Variants in GIGYF2 observed in about 807,000 individuals in gnomAD.
GIGYF2 encodes the protein GRB10-interacting GYF protein 2.
Under a neutral mutation model 208.1 loss-of-function variants are expected in GIGYF2, and 25 were observed. The observed-to-expected ratio is 0.12, with a 90% CI of 0.09 to 0.17. GIGYF2 has a LOEUF of 0.17. Among genes scored for constraint, GIGYF2 ranks in the 10% least tolerant of loss-of-function variants. The pLI is 1.00. For synonymous variants in GIGYF2, 534 were observed against 543.8 expected, an observed-to-expected ratio of 0.98 and a Z score of 0.25; for missense variants, 1,302 against 1,579.4, an observed-to-expected ratio of 0.82 and a Z score of 2.98.
chr2:232,834,996 C>T (rs1251982168), intron 22 of GIGYF2, among the ~76,000 whole-genome samples: 4 of 152,184 alleles, frequency 2.6e-5, no homozygotes, highest in African/African-American at 9.7e-5. Context: ...TTACTCACCT[C>T]GTATTCTCCC....
intron 28 of GIGYF2, among the ~76,000 whole-genome samples, chr2:232,855,720 C>T (rs1281889369): frequency 6.6e-6 from 1 of 152,040 alleles, no homozygotes; most frequent in Non-Finnish European, 1.5e-5. Flanking sequence ...GTATTAATCC[C>T]ACTCAGATTT....
At chr2:232,790,294 T>C (rs528983079) in intron 9 of GIGYF2, among the ~76,000 whole-genome samples, 6 of 152,242 alleles carry the variant, frequency 3.9e-5, no homozygotes, top group African/African-American at 1.4e-4. Context: ...TGCTTTAAGA[T>C]TGGGCAAAAG....
intron 14 of GIGYF2, among the ~76,000 whole-genome samples, chr2:232,798,409 C>T (rs1208307921): frequency 6.6e-6 from 1 of 152,192 alleles, no homozygotes; most frequent in Non-Finnish European, 1.5e-5. Context: ...AGTGTTCATT[C>T]CTCTGGGCTA....
intron 12 of GIGYF2, among the ~76,000 whole-genome samples, chr2:232,792,111 G>A (rs1468240075): frequency 1.3e-5 from 2 of 152,078 alleles, no homozygotes; most frequent in Non-Finnish European, 2.9e-5. Context: ...GCTTCCCTTT[G>A]TGCAGTTTCA....
At chr2:232,730,897 CAAAAAAA>C (rs34491260) in intron 2 of GIGYF2, among the ~76,000 whole-genome samples, 114 of 51,572 alleles carry the variant, frequency 2.2e-3, no homozygotes, top group Non-Finnish European at 3.2e-3. Context: ...GACTCCGTCT[CAAAAAAA>C]AAAAAAAAAA....
intron 28 of GIGYF2, among the ~76,000 whole-genome samples, chr2:232,855,350 G>A (rs912482232): frequency 2.0e-5 from 3 of 152,122 alleles, no homozygotes; most frequent in Non-Finnish European, 4.4e-5. Context: ...GGCCTCCAGT[G>A]TGCCCAGCCA....
At chr2:232,815,785 G>A in intron 19 of GIGYF2, 48 bp downstream of exon 19, 1 of 960,758 alleles carries the variant, frequency 1.0e-6, no homozygotes, top group African/African-American at 1.6e-5. Context: ...CTGGCTGCAG[G>A]ACATAAACAT....
At chr2:232,771,477 C>A in intron 8 of GIGYF2, 1 of 719,406 alleles carries the variant, frequency 1.4e-6, no homozygotes, top group Non-Finnish European at 2.2e-6. Flanking sequence ...GGGAATGCTT[C>A]TCTAACCACA....
intron 14 of GIGYF2, among the ~76,000 whole-genome samples, chr2:232,800,381 T>C (rs1412134480): frequency 1.3e-5 from 2 of 152,212 alleles, no homozygotes; most frequent in South Asian, 2.1e-4. Context: ...TTAAAATGAC[T>C]GTCCTTTTTC....
rs780043481 is a variant in GIGYF2 at position 232,844,374 on chromosome 2, C to T, written c.3105C>T (p.Ser1035=). The T allele has an allele frequency of 6.2e-7, 1 of 1,613,190 alleles. No individual in the cohort carries two copies. Among genetic ancestry groups the T allele is most frequent in the South Asian group, 1.1e-5 (1 of 91,064 alleles). ...TTTCTCTTTTTCTTTAACAGCATTC[C>T]AACCTGCACACCAGCATTGGGAATT... ...QPNRARNNTH[S]NLHTSIGNSV... Residue 1035 remains serine (S), a synonymous_variant, in exon 25 of 29, where the codon TCC becomes TCT. Coordinates refer to ENST00000373563, the MANE Select transcript of GIGYF2 (RefSeq NM_001103146.3).
chr2:232,813,191 T>C lies in GIGYF2; in HGVS notation c.2107+700T>C, dbSNP rs565657116. On this transcript the variant is annotated intron_variant, in intron 18 of 28. Coordinates refer to ENST00000373563, the MANE Select transcript of GIGYF2 (RefSeq NM_001103146.3). ...GCACCGCTGTTTCTTTGCTTTCTTT[T>C]TTTTTTTTTTTTTTTTGAGACAGAC... Among the ~76,000 whole-genome samples the C allele has an allele frequency of 8.3e-4, 122 of 146,824 alleles. 1 individual carries two copies. The highest frequency in any genetic ancestry group is 4.6e-3 in the South Asian group (22 of 4,738).
intron 22 of GIGYF2, among the ~76,000 whole-genome samples, chr2:232,834,744 T>A (rs956106392): frequency 6.6e-6 from 1 of 152,228 alleles, no homozygotes; most frequent in African/African-American, 2.4e-5. Flanking sequence ...TTCATGTTCT[T>A]CTCTCTATTC....
At chr2:232,707,583 T>C (rs536882187) in intron 2 of GIGYF2, among the ~76,000 whole-genome samples, 1 of 152,202 alleles carries the variant, frequency 6.6e-6, no homozygotes, top group African/African-American at 2.4e-5. Flanking sequence ...AGCCTTACTT[T>C]AGATCTGGAA....
intron 3 of GIGYF2, among the ~76,000 whole-genome samples, chr2:232,743,310 C>G (rs1698037194): frequency 6.6e-6 from 1 of 152,040 alleles, no homozygotes; most frequent in South Asian, 2.1e-4. Flanking sequence ...ATGGCTGTAT[C>G]AAAAGTTTTA....
chr2:232,713,750 T>C (rs1696538758), intron 2 of GIGYF2, among the ~76,000 whole-genome samples: 1 of 152,178 alleles, frequency 6.6e-6, no homozygotes. Context: ...GACTCTCTTT[T>C]AGAATTTGAT....
At chr2:232,723,903 A>G (rs1460615309) in intron 2 of GIGYF2, among the ~76,000 whole-genome samples, 1 of 143,404 alleles carries the variant, frequency 7.0e-6, no homozygotes, top group African/African-American at 2.6e-5. Context: ...CGCCTGGCTA[A>G]TTTTTTGTAT....
intron 27 of GIGYF2, among the ~76,000 whole-genome samples, chr2:232,849,079 C>G (rs1272295029): frequency 3.3e-5 from 5 of 152,072 alleles, no homozygotes; most frequent in African/African-American, 9.7e-5. Flanking sequence ...CAGAGAAGTA[C>G]AAGGCATTTA....
chr2:232,812,135 T>C (rs900594961), intron 17 of GIGYF2, among the ~76,000 whole-genome samples: 10 of 152,212 alleles, frequency 6.6e-5, no homozygotes, highest in Non-Finnish European at 1.5e-4. Flanking sequence ...TTTTAAGATA[T>C]AGATATACAG....
At chr2:232,793,130 G>C (rs914013968) in intron 12 of GIGYF2, among the ~76,000 whole-genome samples, 1 of 152,032 alleles carries the variant, frequency 6.6e-6, no homozygotes, top group African/African-American at 2.4e-5. Context: ...TGAAGAAGTG[G>C]GACTGATCCA....
Sources: gnomAD v4.1 joint callset for allele counts (sites outside exome capture counted in the v4.1 genomes callset) on GRCh38, gnomAD v4.1.1 for gene constraint, MANE v1.5 for transcripts, NCBI Gene and HGNC (gene_info 2026-07-23, HGNC 2026-07-21) for gene names.